The following FAM3C variants were observed in gnomAD, a reference collection of about 807,000 sequenced individuals.
FAM3C encodes FAM3 metabolism regulating signaling molecule C.
Under a neutral mutation model 32.5 loss-of-function variants are expected in FAM3C, and 15 were observed. The observed-to-expected ratio is 0.46, with a 90% CI of 0.31 to 0.71. FAM3C has a LOEUF of 0.71. Ranked by LOEUF, FAM3C falls within the 30% of genes least tolerant of loss-of-function variation. The probability of loss-of-function intolerance (pLI) is 0.05; values close to 1 mark genes in which losing one functional copy is unlikely to be tolerated. For synonymous variants in FAM3C, 75 were observed against 86.1 expected (o/e 0.87, Z 0.72); for missense variants, 175 against 274.4 (o/e 0.64, Z 2.56).
Position 121,360,083 on chromosome 7 carries a change from T to C in FAM3C, c.427A>G (p.Thr143Ala), listed in dbSNP as rs1204986446. 6.2e-7 allele frequency: 1 copy of C among 1,601,238 alleles called. No homozygotes were observed. Among genetic ancestry groups the C allele is most frequent in the Non-Finnish European group, 8.6e-7 (1 of 1,168,688 alleles). Residue 143 changes from threonine to alanine, a missense_variant, in exon 8 of 10, where the codon ACA becomes GCA. By Grantham distance (58) the Thr-to-Ala change is moderately conservative. Coordinates refer to ENST00000359943, the MANE Select transcript of FAM3C (RefSeq NM_014888.3). ...IEFLKAIQDGTIVLMGTYDDG... is the reference protein window; with the variant it reads ...IEFLKAIQDGAIVLMGTYDDG... ...TCGTATGTTCCCATTAAAACTATTG[T>C]TCCATCTTGTATGGCCTTCAGAAAC... is the stretch of plus-strand genomic sequence containing the variant.
chr7:121,355,687 G>GA (rs1262136563), intron 8 of FAM3C, among the ~76,000 whole-genome samples: 1 of 152,152 alleles, frequency 6.6e-6, no homozygotes, highest in Non-Finnish European at 1.5e-5. Flanking sequence ...ATAAAATAAT[G>GA]AAATAGCAGC....
Position 121,372,010 on chromosome 7 carries a change from C to T in FAM3C, c.148+100G>A, listed in dbSNP as rs555288612. On this transcript the variant is annotated intron_variant, in intron 4 of 9. Coordinates refer to ENST00000359943, the MANE Select transcript of FAM3C (RefSeq NM_014888.3). The stretch of plus-strand genomic sequence containing the variant: ...TAACTTTAAAAAGCAATTTCTAAAG[C>T]AGTTTTTCCTCATACTGAACTACTG... The T allele has an allele frequency of 2.7e-5, 21 of 779,690 alleles. No homozygotes were observed. In the East Asian group the frequency reaches 5.4e-4, roughly 20 times the overall value. 48.3% of individuals were successfully genotyped at this position (779,690 alleles called of 1,614,324 possible). A position where few individuals can be genotyped will look rare whatever the true frequency, so the allele number is the denominator to read the frequency against.
chr7:121,374,088 C>G (rs1388067949), intron 3 of FAM3C, among the ~76,000 whole-genome samples: 1 of 151,942 alleles, frequency 6.6e-6, no homozygotes, highest in African/African-American at 2.4e-5. Flanking sequence ...CACTTACTAG[C>G]TAAGTATTCA....
At chr7:121,368,748 G>C (rs1486761238) in intron 5 of FAM3C, among the ~76,000 whole-genome samples, 1 of 151,898 alleles carries the variant, frequency 6.6e-6, no homozygotes, top group African/African-American at 2.4e-5. Context: ...TCCAATCTTA[G>C]GGCCTTCGAG....
chr7:121,351,126 G>C lies in FAM3C; in HGVS notation c.594+17C>G. On this transcript the variant is annotated intron_variant, in intron 9 of 9. Coordinates refer to ENST00000359943, the MANE Select transcript of FAM3C (RefSeq NM_014888.3). ...CAGAATTTGTTTTTGTTAATTCTGA[G>C]AGTCTATGACACTAACCTGTTCAAA... 6.2e-7 allele frequency: 1 copy of C among 1,602,872 alleles called. No individual in the cohort carries two copies.
chr7:121,368,973 T>TTG (rs1491394719), intron 5 of FAM3C, among the ~76,000 whole-genome samples: 3 of 12,418 alleles, frequency 2.4e-4, no homozygotes, highest in Admixed American at 3.4e-3. Context: ...GTTGTTGTTG[T>TTG]TTTTTTTTTT....
chr7:121,359,762 A>G (rs929822570), intron 8 of FAM3C, among the ~76,000 whole-genome samples: 1 of 152,090 alleles, frequency 6.6e-6, no homozygotes, highest in Non-Finnish European at 1.5e-5. Flanking sequence ...CTATTGAAGA[A>G]TATTAATGCT....
At chr7:121,350,682 A>G in intron 9 of FAM3C, 132 bp from the exon 10 acceptor site, 1 of 915,284 alleles carries the variant, frequency 1.1e-6, no homozygotes, top group Non-Finnish European at 1.7e-6. Context: ...ACTGGTCAAG[A>G]TATTAAATGA....
upstream of FAM3C, chr7:121,396,348 C>G (rs1794699875): frequency 6.6e-6 from 1 of 152,138 alleles, no homozygotes; most frequent in South Asian, 2.1e-4. Context: ...CCTCCTCCCA[C>G]GCTTCCCGGC....
At chr7:121,378,490 A>G (rs1794283882) in intron 3 of FAM3C, among the ~76,000 whole-genome samples, 1 of 152,134 alleles carries the variant, frequency 6.6e-6, no homozygotes. Context: ...CAGCTGCAAG[A>G]CGGATTTCTA....
intron 8 of FAM3C, among the ~76,000 whole-genome samples, chr7:121,356,835 T>C (rs181118210): frequency 1.3e-5 from 2 of 152,286 alleles, no homozygotes; most frequent in Admixed American, 1.3e-4. Flanking sequence ...GAACAACTTA[T>C]TTTAGTGAGG....
At chr7:121,363,435 C>T (rs1052441287) in intron 6 of FAM3C, among the ~76,000 whole-genome samples, 2 of 152,094 alleles carry the variant, frequency 1.3e-5, no homozygotes, top group African/African-American at 2.4e-5. Flanking sequence ...AGATGTTGAA[C>T]CTTTTACCTA....
chr7:121,379,080 G>GA, intron 2 of FAM3C, 66 bp from the exon 3 acceptor site: 1 of 869,868 alleles, frequency 1.1e-6, no homozygotes, highest in Non-Finnish European at 1.8e-6. Flanking sequence ...GCATTTCTAT[G>GA]AAAAATGTTT....
At chr7:121,359,527 T>C (rs1475731205) in intron 8 of FAM3C, among the ~76,000 whole-genome samples, 1 of 152,072 alleles carries the variant, frequency 6.6e-6, no homozygotes, top group Non-Finnish European at 1.5e-5. Flanking sequence ...GGTAGTGAGA[T>C]GGACTGGAAC....
chr7:121,350,902 A>C (rs1434530396), intron 9 of FAM3C, among the ~76,000 whole-genome samples: 2 of 152,224 alleles, frequency 1.3e-5, no homozygotes, highest in African/African-American at 4.8e-5. Context: ...GGCTTAAGAT[A>C]GGTAATCCTA....
intron 3 of FAM3C, among the ~76,000 whole-genome samples, chr7:121,375,665 A>G (rs1665072332): frequency 6.6e-6 from 1 of 152,208 alleles, no homozygotes; most frequent in African/African-American, 2.4e-5. Flanking sequence ...GACTGGTATC[A>G]CTGGAGAGGA....
chr7:121,351,453 G>A, intron 8 of FAM3C, 184 bp from the exon 9 acceptor site: 2 of 491,764 alleles, frequency 4.1e-6, no homozygotes, highest in South Asian at 5.1e-5. Context: ...CAAAAGACAT[G>A]AACTCCAACA....
In FAM3C at chr7:121,350,437, T is replaced by C. The variant is rs1420119663; in HGVS notation, c.*24A>G. 2 of 1,610,668 alleles carry C rather than the reference T, an allele frequency of 1.2e-6. No homozygotes were observed. Reference sequence around the variant, plus strand: ...TCCCATTAAGAGTGAAAGTGCGCTTTCTTCAATTCTCTCCACATTTCCATT... The same window carrying C: ...TCCCATTAAGAGTGAAAGTGCGCTTCCTTCAATTCTCTCCACATTTCCATT... On this transcript the variant is annotated 3_prime_UTR_variant, in exon 10 of 10. Coordinates refer to ENST00000359943, the MANE Select transcript of FAM3C (RefSeq NM_014888.3).
chr7:121,360,627 G>A (rs534059872), intron 7 of FAM3C, among the ~76,000 whole-genome samples: 6 of 152,112 alleles, frequency 3.9e-5, no homozygotes, highest in Non-Finnish European at 8.8e-5. Context: ...GAGCCCAGGA[G>A]CTTGAAACCA....
Sources: gnomAD v4.1 joint callset for allele counts (sites outside exome capture counted in the v4.1 genomes callset) on GRCh38, gnomAD v4.1.1 for gene constraint, MANE v1.5 for transcripts, NCBI Gene and HGNC (gene_info 2026-07-23, HGNC 2026-07-21) for gene names.